The following PLAC1 variants were observed in gnomAD, a reference collection of about 807,000 sequenced individuals.
PLAC1 encodes the protein placenta associated 1, also known as placenta-specific protein 1.
For missense variants in PLAC1, 136 were observed against 163.2 expected (o/e 0.83, Z 0.91); for synonymous variants, 68 against 62.1 (o/e 1.09, Z -0.44).
intron 2 of PLAC1, among the ~76,000 whole-genome samples, chrX:134,597,238 A>AT (rs1279064243): frequency 9.0e-6 from 1 of 110,668 alleles, no homozygotes; most frequent in Non-Finnish European, 1.9e-5. Context: ...AAGTTCACCG[A>AT]TTTTTTTCCT....
intron 1 of PLAC1, among the ~76,000 whole-genome samples, chrX:134,750,810 A>AT (rs1358114107): frequency 2.2e-4 from 12 of 55,049 alleles, no homozygotes; most frequent in African/African-American, 1.4e-3. Flanking sequence ...TACAAAAAAA[A>AT]AAATATATAT....
intron 1 of PLAC1, among the ~76,000 whole-genome samples, chrX:134,745,153 C>G (rs747562958): frequency 8.9e-6 from 1 of 111,961 alleles, no homozygotes; most frequent in South Asian, 3.8e-4. Context: ...CCCCAGTTGA[C>G]TTTACCCTCA....
chrX:134,762,455 ATACAT>A (rs1026794751), intron 1 of PLAC1, among the ~76,000 whole-genome samples: 11 of 112,243 alleles, frequency 9.8e-5, no homozygotes, highest in African/African-American at 2.9e-4. Flanking sequence ...CTTTTTGTAT[ATACAT>A]TACATTTCCA....
intron 2 of PLAC1, among the ~76,000 whole-genome samples, chrX:134,582,506 A>AAAT (rs1472875510): frequency 1.8e-5 from 2 of 112,087 alleles, no homozygotes; most frequent in Non-Finnish European, 3.8e-5. Flanking sequence ...AGATAAAATA[A>AAAT]AATAAATACC....
intron 1 of PLAC1, among the ~76,000 whole-genome samples, chrX:134,621,257 C>T (rs1442238179): frequency 9.2e-6 from 1 of 109,255 alleles, no homozygotes; most frequent in Non-Finnish European, 1.9e-5. Context: ...ACCAGCCTGG[C>T]CAACATGGTG....
intron 1 of PLAC1, among the ~76,000 whole-genome samples, chrX:134,763,818 A>G (rs1726739156): frequency 3.2e-5 from 2 of 63,310 alleles, no homozygotes; most frequent in Admixed American, 4.6e-4. Flanking sequence ...AGAAACTCCG[A>G]AAAAAAAAAG....
At chrX:134,646,823 C>T (rs1327658364) in intron 1 of PLAC1, among the ~76,000 whole-genome samples, 1 of 111,885 alleles carries the variant, frequency 8.9e-6, no homozygotes, top group African/African-American at 3.2e-5. Context: ...GAAAGAGTGC[C>T]GACTGTGCAG....
intron 1 of PLAC1, among the ~76,000 whole-genome samples, chrX:134,748,496 C>T (rs934055507): frequency 9.0e-6 from 1 of 111,531 alleles, no homozygotes; most frequent in African/African-American, 3.3e-5. Context: ...TACTGAATCG[C>T]CTGTCTTCTC....
At chrX:134,625,823 G>A (rs1053765098) in intron 1 of PLAC1, among the ~76,000 whole-genome samples, 1 of 110,523 alleles carries the variant, frequency 9.0e-6, no homozygotes, top group Non-Finnish European at 1.9e-5. Flanking sequence ...GAAAGAAAGT[G>A]ATGACCAGGA....
chrX:134,645,254 A>T (rs148744107), intron 1 of PLAC1, among the ~76,000 whole-genome samples: 56 of 112,419 alleles, frequency 5.0e-4, no homozygotes, highest in Non-Finnish European at 9.0e-4. Flanking sequence ...TAGCTTAAAC[A>T]GCACCAAATT....
At chrX:134,706,355 T>C (rs957730901) in intron 2 of PLAC1, among the ~76,000 whole-genome samples, 35 of 111,984 alleles carry the variant, frequency 3.1e-4, no homozygotes, top group African/African-American at 1.1e-3. Flanking sequence ...TTCTCCACAG[T>C]GACAGTAGCG....
intron 1 of PLAC1, among the ~76,000 whole-genome samples, chrX:134,745,211 T>C (rs1161943599): frequency 8.9e-6 from 1 of 111,910 alleles, no homozygotes; most frequent in Non-Finnish European, 1.9e-5. Flanking sequence ...CACCCATGTA[T>C]GACAACATAT....
At chrX:134,739,344 G>C (rs1358829726) in intron 1 of PLAC1, among the ~76,000 whole-genome samples, 1 of 112,410 alleles carries the variant, frequency 8.9e-6, no homozygotes. Context: ...GGGTCCAAAA[G>C]TGGGAACTTT....
intron 2 of PLAC1, among the ~76,000 whole-genome samples, chrX:134,700,164 A>G (rs752347704): frequency 8.9e-6 from 1 of 111,872 alleles, no homozygotes; most frequent in East Asian, 2.8e-4. Context: ...GATTGCCTTC[A>G]TCATACTTAT....
chrX:134,573,148 C>T (rs1569374264), intron 2 of PLAC1, among the ~76,000 whole-genome samples: 1 of 111,475 alleles, frequency 9.0e-6, no homozygotes, highest in Non-Finnish European at 1.9e-5. Context: ...GAAAGCCATA[C>T]TTTAGAGGAA....
At chrX:134,576,246 T>G (rs929938323) in intron 2 of PLAC1, among the ~76,000 whole-genome samples, 8 of 109,490 alleles carry the variant, frequency 7.3e-5, no homozygotes, top group African/African-American at 2.3e-4. Flanking sequence ...TGTATAAAAT[T>G]ATGTCCTCCC....
intron 2 of PLAC1, among the ~76,000 whole-genome samples, chrX:134,692,815 C>A (rs772615498): frequency 5.4e-5 from 6 of 111,490 alleles, no homozygotes; most frequent in Non-Finnish European, 9.4e-5. Context: ...TCTCTCCCCC[C>A]ACACGCACAA....
At chrX:134,760,679 G>T (rs1350295179) in intron 1 of PLAC1, among the ~76,000 whole-genome samples, 1 of 110,734 alleles carries the variant, frequency 9.0e-6, no homozygotes, top group Non-Finnish European at 1.9e-5. Flanking sequence ...CTATAGTATT[G>T]TATTTGATAG....
chrX:134,598,997 T>C (rs1408073115), intron 2 of PLAC1, among the ~76,000 whole-genome samples: 2 of 112,004 alleles, frequency 1.8e-5, no homozygotes, highest in African/African-American at 6.5e-5. Context: ...CTATCACAAC[T>C]TAGCAGCCAA....
Sources: gnomAD v4.1 joint callset for allele counts (sites outside exome capture counted in the v4.1 genomes callset) on GRCh38, gnomAD v4.1.1 for gene constraint, MANE v1.5 for transcripts, NCBI Gene and HGNC (gene_info 2026-07-23, HGNC 2026-07-21) for gene names.